Variants in SWT1 observed in about 807,000 individuals in gnomAD.
SWT1 encodes transcriptional protein SWT1.
A neutral mutation model predicts 107.3 loss-of-function variants in SWT1; 33 were observed. That is an observed-to-expected ratio of 0.31 (90% CI 0.23 to 0.41). The LOEUF is 0.41. Among genes scored for constraint, SWT1 ranks in the 10% least tolerant of loss-of-function variants. The pLI, the probability that SWT1 is intolerant of heterozygous loss-of-function variation, is 1.00. For missense variants in SWT1, 898 were observed against 1,028.9 expected (o/e 0.87, Z 1.74); for synonymous variants, 345 against 348.3 (o/e 0.99, Z 0.11).
At chr1:185,202,543 T>C (rs1279461986) in intron 10 of SWT1, 111 bp from the exon 11 acceptor site, 2 of 856,292 alleles carry the variant, frequency 2.3e-6, no homozygotes, top group African/African-American at 3.5e-5. Context: ...TTTCTTAAGG[T>C]ATAGGCTGAG....
intron 16 of SWT1, among the ~76,000 whole-genome samples, chr1:185,235,986 A>G (rs1451774822): frequency 1.3e-5 from 2 of 152,228 alleles, no homozygotes; most frequent in Non-Finnish European, 2.9e-5. Flanking sequence ...TACAACTTTT[A>G]CAAGGGATTT....
At chr1:185,266,268 G>T (rs1396518553) in intron 16 of SWT1, among the ~76,000 whole-genome samples, 2 of 152,160 alleles carry the variant, frequency 1.3e-5, no homozygotes, top group Admixed American at 6.6e-5. Context: ...GTTTCACCGT[G>T]TTAGCCAGGA....
chr1:185,209,561 TTTTTATGGC>T (rs1468174446), intron 13 of SWT1, among the ~76,000 whole-genome samples: 2 of 152,206 alleles, frequency 1.3e-5, no homozygotes, highest in African/African-American at 4.8e-5. Flanking sequence ...AATTCATCCT[TTTTTATGGC>T]TGCATAGTAT....
Position 185,202,776 on chromosome 1 carries a change from T to A in SWT1, c.1646T>A (p.Ile549Asn). ...LNTDVCHQPC[I>N]PKQQLKAETT... Reference sequence around the variant, plus strand: ...ACAGATGTGTGTCATCAGCCTTGTATTCCTAAGCAACAGTTGAAAGCAGGT... The same window carrying A: ...ACAGATGTGTGTCATCAGCCTTGTAATCCTAAGCAACAGTTGAAAGCAGGT... The change falls in exon 11 of 19, where the codon ATT becomes AAT. Residue 549 changes from isoleucine to asparagine, a missense_variant. Physicochemically the swap from Ile to Asn is moderately radical, Grantham distance 149. This residue lies in a region of SWT1 where 382 missense variants were observed against 460.0 expected (regional missense o/e 0.83). Coordinates refer to ENST00000367500, the MANE Select transcript of SWT1 (RefSeq NM_017673.7). 1.3e-6 allele frequency: 2 copies of A among 1,565,972 alleles called. No individual in the cohort carries two copies. Among genetic ancestry groups the A allele is most frequent in the Non-Finnish European group, 1.7e-6 (2 of 1,155,270 alleles).
intron 4 of SWT1, among the ~76,000 whole-genome samples, chr1:185,173,297 T>TGCG: frequency 6.6e-6 from 1 of 152,048 alleles, no homozygotes; most frequent in African/African-American, 2.4e-5. Context: ...CTTTAAATTT[T>TGCG]TATTAATTTT....
intron 13 of SWT1, among the ~76,000 whole-genome samples, chr1:185,213,784 T>C (rs1390607732): frequency 2.0e-5 from 3 of 152,194 alleles, no homozygotes; most frequent in Non-Finnish European, 4.4e-5. Flanking sequence ...CTTTTGAAAT[T>C]TTTGAAATTA....
intron 17 of SWT1, among the ~76,000 whole-genome samples, chr1:185,272,291 G>A (rs1204154441): frequency 6.6e-6 from 1 of 152,202 alleles, no homozygotes; most frequent in Non-Finnish European, 1.5e-5. Context: ...GTATTCTGTT[G>A]TCAATTTCTG....
intron 10 of SWT1, among the ~76,000 whole-genome samples, chr1:185,194,102 A>G (rs2102419209): frequency 6.6e-6 from 1 of 152,174 alleles, no homozygotes; most frequent in East Asian, 1.9e-4. Context: ...GAATGCAACT[A>G]TTTCAGCTTT....
At chr1:185,233,626 T>G (rs187820576) in intron 16 of SWT1, among the ~76,000 whole-genome samples, 3 of 152,354 alleles carry the variant, frequency 2.0e-5, no homozygotes, top group Admixed American at 2.0e-4. Context: ...AGTGAGTTTC[T>G]TAATCCTGAG....
At chr1:185,279,031 A>G (rs1664440477) in intron 18 of SWT1, among the ~76,000 whole-genome samples, 1 of 152,232 alleles carries the variant, frequency 6.6e-6, no homozygotes, top group African/African-American at 2.4e-5. Flanking sequence ...AACTCATTAG[A>G]TTAAAATAAG....
chr1:185,192,171 C>G (rs546138154), intron 10 of SWT1, among the ~76,000 whole-genome samples: 1 of 152,244 alleles, frequency 6.6e-6, no homozygotes, highest in East Asian at 1.9e-4. Flanking sequence ...ATGTCTGCAC[C>G]AGCAATACAA....
chr1:185,219,257 C>T (rs1175160222), intron 14 of SWT1, among the ~76,000 whole-genome samples: 1 of 152,172 alleles, frequency 6.6e-6, no homozygotes, highest in African/African-American at 2.4e-5. Context: ...AAATCCTGTT[C>T]ATGCCTTTTA....
chr1:185,281,683 A>C (rs1664631268), intron 18 of SWT1: 1 of 172,160 alleles, frequency 5.8e-6, no homozygotes, highest in Admixed American at 6.1e-5. Flanking sequence ...CCTCATCAAC[A>C]ACAAGATTGC....
chr1:185,157,829 C>A (rs918272401), intron 1 of SWT1, among the ~76,000 whole-genome samples: 2 of 152,098 alleles, frequency 1.3e-5, no homozygotes, highest in Non-Finnish European at 1.5e-5. Flanking sequence ...AGCTTCGGGG[C>A]ATTTAATTTT....
intron 12 of SWT1, among the ~76,000 whole-genome samples, chr1:185,205,525 C>T (rs748828976): frequency 6.6e-6 from 1 of 152,250 alleles, no homozygotes; most frequent in Admixed American, 6.5e-5. Flanking sequence ...TGTGACATCA[C>T]GCCCAGCTAA....
intron 1 of SWT1, 145 bp downstream of exon 1, chr1:185,157,459 C>G (rs1653697288): frequency 6.5e-6 from 1 of 152,688 alleles, no homozygotes; most frequent in South Asian, 2.0e-4. Context: ...TGGGCGGGTC[C>G]GGGGACGAGC....
chr1:185,214,724 A>T, intron 14 of SWT1, 69 bp downstream of exon 14: 1 of 1,270,158 alleles, frequency 7.9e-7, no homozygotes, highest in Non-Finnish European at 1.1e-6. Context: ...TTTAGCAGAC[A>T]ACAGTAGGTA....
At chr1:185,184,182 A>G (rs1656258957) in intron 7 of SWT1, 61 bp from the exon 8 acceptor site, 3 of 824,442 alleles carry the variant, frequency 3.6e-6, no homozygotes, top group Non-Finnish European at 1.9e-6. Flanking sequence ...TAATATCAAA[A>G]TTTTAGTCAT....
chr1:185,246,399 C>G (rs1409580096), intron 16 of SWT1, among the ~76,000 whole-genome samples: 1 of 152,092 alleles, frequency 6.6e-6, no homozygotes, highest in African/African-American at 2.4e-5. Flanking sequence ...ACCTCAGCCT[C>G]CCGAGTAGCT....
Sources: allele counts gnomAD v4.1 joint callset (sites outside exome capture counted in the v4.1 genomes callset), GRCh38; gene constraint gnomAD v4.1.1; regional missense constraint gnomAD v4.1.1; transcripts MANE v1.5; gene names NCBI Gene and HGNC (gene_info 2026-07-23, HGNC 2026-07-21).